RBM4: variants seen among roughly 807,000 people sequenced by gnomAD.
RBM4 encodes RNA binding motif protein 4.
Under a neutral mutation model 29.5 loss-of-function variants are expected in RBM4, and 7 were observed. That is an observed-to-expected ratio of 0.24 (90% CI 0.14 to 0.45). RBM4 has a LOEUF of 0.45. Ranked by LOEUF, RBM4 falls within the 20% of genes least tolerant of loss-of-function variation. The pLI, the probability that RBM4 is intolerant of heterozygous loss-of-function variation, is 1.00. For synonymous variants in RBM4, 220 were observed against 205.4 expected (o/e 1.07, Z -0.61); for missense variants, 387 against 502.3 (o/e 0.77, Z 2.19).
At chr11:66,654,335 C>CAAA (rs778815265) in intron 2 of RBM4, among the ~76,000 whole-genome samples, 1 of 142,918 alleles carries the variant, frequency 7.0e-6, no homozygotes. Context: ...ACTAAAAATA[C>CAAA]AAAAAAAAAA....
rs577936685 is a variant in RBM4 at position 66,643,279 on chromosome 11, T to C, written c.413-171T>C. Among the ~76,000 whole-genome samples the C allele has an allele frequency of 1.3e-5, 2 of 152,306 alleles. No homozygotes were observed. Among genetic ancestry groups the C allele is most frequent in the East Asian group, 3.9e-4 (2 of 5,180 alleles). On this transcript the variant is annotated intron_variant, in intron 2 of 3. Coordinates refer to ENST00000310092, the MANE Select transcript of RBM4 (RefSeq NM_002896.4). This position sits in a 1 kb window ranked among gnomAD's most constrained non-coding sequence, Gnocchi z 6.1. ...GTCTTTTCCTGAAATCAGGTCATTA[T>C]ACTGAATCTATATGTTGAGTCTTTT...
In RBM4 at chr11:66,639,985, A is replaced by G; in HGVS notation, c.274A>G (p.Lys92Glu). The G allele has an allele frequency of 6.2e-7, 1 of 1,614,188 alleles. No homozygotes were observed. Among genetic ancestry groups the G allele is most frequent in the Non-Finnish European group, 8.5e-7 (1 of 1,180,038 alleles). Reference protein sequence around the residue: ...VGNISPTCTNKELRAKFEEYG... With the variant: ...VGNISPTCTNEELRAKFEEYG... ...CAACATCAGTCCCACCTGCACCAAT[A>G]AGGAGCTTCGAGCCAAGTTTGAGGA... Residue 92 changes from lysine (K) to glutamate (E), a missense_variant, in exon 2 of 4, where the codon AAG (lysine) becomes GAG (glutamate). Around this residue, in one of 2 missense-constraint regions of RBM4, gnomAD observed 106 missense variants for 213.6 expected, o/e 0.50. Transcript: ENST00000310092.
chr11:66,644,257 T>C (rs1401502234), intron 3 of RBM4, 117 bp downstream of exon 3: 3 of 1,381,570 alleles, frequency 2.2e-6, no homozygotes, highest in Non-Finnish European at 2.9e-6. Context: ...GGAAGGTTAC[T>C]AGGATGGCTC....
rs1008932813 is a variant in RBM4 at position 66,643,070 on chromosome 11, C to T, written c.413-380C>T. 1.3e-5 allele frequency among the ~76,000 whole-genome samples: 2 copies of T among 152,136 alleles called. No homozygotes were observed. Among genetic ancestry groups the T allele is most frequent in the African/African-American group, 4.8e-5 (2 of 41,436 alleles). ...ATTCCTTTGCTTAATGAAAATCCAT[C>T]TTGCTAGTAAGGATTGGAGGTGTCA... On this transcript the variant is annotated intron_variant, in intron 2 of 3. Transcript: ENST00000310092. This position sits in a 1 kb window ranked among gnomAD's most constrained non-coding sequence, Gnocchi z 6.1.
At chr11:66,661,892 T>TG (rs1939089467) in intron 2 of RBM4, among the ~76,000 whole-genome samples, 1 of 151,924 alleles carries the variant, frequency 6.6e-6, no homozygotes. Context: ...TCACCAGGCG[T>TG]GGTGGCGCGC....
chr11:66,647,947 G>A (rs967665198), downstream of RBM4, among the ~76,000 whole-genome samples: 17 of 152,192 alleles, frequency 1.1e-4, no homozygotes, highest in African/African-American at 2.4e-4. Flanking sequence ...GCTCACGCCT[G>A]TAATCTCAGC....
At chr11:66,665,693 A>C in intron 2 of RBM4, 1 of 1,499,608 alleles carries the variant, frequency 6.7e-7, no homozygotes, top group African/African-American at 1.4e-5. Context: ...AGAACAAAAC[A>C]AAACCAAGTC....
At chr11:66,640,162 CTG>C (rs767343393) in intron 2 of RBM4, 39 bp downstream of exon 2, 2 of 1,610,442 alleles carry the variant, frequency 1.2e-6, no homozygotes, top group African/African-American at 2.7e-5. Flanking sequence ...GAACACAAGG[CTG>C]TGTGCAGAAA....
intron 2 of RBM4, chr11:66,665,776 T>C: frequency 2.2e-6 from 3 of 1,336,492 alleles, no homozygotes; most frequent in South Asian, 1.4e-5. Context: ...AATCCACTTA[T>C]GGCTATATAT....
chr11:66,639,916 G>A lies in RBM4; in HGVS notation c.205G>A (p.Ala69Thr). 1 of 1,614,206 alleles carries A rather than the reference G, an allele frequency of 6.2e-7. No individual in the cohort carries two copies. The highest frequency in any genetic ancestry group is 8.5e-7 in the Non-Finnish European group (1 of 1,180,042). The change falls in exon 2 of 4, where the codon GCC (alanine) becomes ACC (threonine). Residue 69 changes from alanine to threonine, a missense_variant. Physicochemically the swap from Ala to Thr is moderately conservative, Grantham distance 58. Coordinates refer to ENST00000310092, the MANE Select transcript of RBM4 (RefSeq NM_002896.4). ...KLHGVNINVEASKNKSKTSTK... is the reference protein window; with the variant it reads ...KLHGVNINVETSKNKSKTSTK... ...TCATGGGGTGAACATCAACGTGGAA[G>A]CCAGCAAGAATAAGAGCAAAACCTC...
Position 66,646,151 on chromosome 11 carries a change from A to T in RBM4, c.*133A>T. The T allele has an allele frequency of 2.0e-6, 3 of 1,527,174 alleles. No individual in the cohort carries two copies. Among genetic ancestry groups the T allele is most frequent in the Non-Finnish European group, 2.6e-6 (3 of 1,142,004 alleles). 94.6% of individuals were successfully genotyped at this position (1,527,174 alleles called of 1,614,324 possible). On this transcript the variant is annotated 3_prime_UTR_variant, in exon 4 of 4. Coordinates refer to ENST00000310092, the MANE Select transcript of RBM4 (RefSeq NM_002896.4). The stretch of plus-strand genomic sequence containing the variant: ...AGTCCCTCAGGAACCGTGGACCTTA[A>T]TTTACCTTGCTAAGTTCAGACCTTC...
chr11:66,656,719 G>T (rs1161894246), intron 2 of RBM4, among the ~76,000 whole-genome samples: 1 of 152,118 alleles, frequency 6.6e-6, no homozygotes, highest in East Asian at 1.9e-4. Flanking sequence ...GGAGTGCAGT[G>T]ACATGATCTC....
At chr11:66,666,252 GA>G (rs917142750) in exon 3 of RBM4, 746 of 1,022,322 alleles carry the variant, frequency 7.3e-4, no homozygotes, top group Middle Eastern at 8.4e-4. Flanking sequence ...ATGGCTGGGG[GA>G]AAAAAAAAGT....
chr11:66,651,495 C>A (rs141096511), intron 2 of RBM4, among the ~76,000 whole-genome samples: 9,597 of 151,982 alleles, frequency 0.063, 733 homozygotes, highest in Admixed American at 0.23. Context: ...CTACAGGCGC[C>A]CGCCACCACA....
chr11:66,664,595 G>A (rs1390206432), intron 2 of RBM4, among the ~76,000 whole-genome samples: 1 of 151,916 alleles, frequency 6.6e-6, no homozygotes, highest in Non-Finnish European at 1.5e-5. Context: ...TGAGTAGCTG[G>A]GATTACAGGC....
At chr11:66,644,796 G>C (rs767140289) in intron 3 of RBM4, 3 of 754,940 alleles carry the variant, frequency 4.0e-6, no homozygotes, top group Non-Finnish European at 4.8e-6. Flanking sequence ...AGTTCCACAA[G>C]GAAGTCTGGG....
chr11:66,644,104 C>CCGATCGGG lies in RBM4; in HGVS notation c.1070_1077dup (p.Arg360IlefsTer11). On this transcript the variant is annotated frameshift_variant, in exon 3 of 4. Coordinates refer to ENST00000310092, the MANE Select transcript of RBM4 (RefSeq NM_002896.4). LOFTEE classifies it high-confidence loss of function. Reference sequence around the variant, plus strand: ...GCCCGGTATGAGCGGGAGCAGTATGCCGATCGGGCGCGGTACTCAGCCTTT... The same window carrying CCGATCGGG: ...GCCCGGTATGAGCGGGAGCAGTATGCCGATCGGGCGATCGGGCGCGGTACTCAGCCTTT... 6.2e-7 allele frequency: 1 copy of CCGATCGGG among 1,613,870 alleles called. No homozygotes were observed. The highest frequency in any genetic ancestry group is 8.5e-7 in the Non-Finnish European group (1 of 1,179,926).
In RBM4 at chr11:66,643,722, C is replaced by G; in HGVS notation, c.685C>G (p.Arg229Gly). ...CTACTACAAGCGCTGCCGTGCTGCC[C>G]GGTCCTATGAGGCAGTGGCAGCTGC... is the stretch of plus-strand genomic sequence containing the variant. ...DAYYKRCRAA[R>G]SYEAVAAAAA... Residue 229 changes from arginine to glycine, a missense_variant, in exon 3 of 4, where the codon CGG becomes GGG. Arg to Gly is a moderately radical substitution (Grantham distance 125, BLOSUM62 -2). This residue lies in a region of RBM4 where 281 missense variants were observed against 288.7 expected (regional missense o/e 0.97). Transcript: ENST00000310092. This position sits in a 1 kb window ranked among gnomAD's most constrained non-coding sequence, Gnocchi z 6.1. The G allele has an allele frequency of 6.2e-7, 1 of 1,614,134 alleles. No homozygotes were observed. Among genetic ancestry groups the G allele is most frequent in the Non-Finnish European group, 8.5e-7 (1 of 1,180,010 alleles).
intron 2 of RBM4, among the ~76,000 whole-genome samples, chr11:66,641,908 G>A (rs998108304): frequency 1.3e-5 from 2 of 151,920 alleles, no homozygotes; most frequent in Admixed American, 6.6e-5. Flanking sequence ...TTTTTCTGGC[G>A]TTAGAACCAA....
Sources: gnomAD v4.1 joint callset for allele counts (sites outside exome capture counted in the v4.1 genomes callset) on GRCh38, gnomAD v4.1.1 for gene constraint, gnomAD v4.1.1 regional missense constraint, Gnocchi (gnomAD v3.1) non-coding constraint, MANE v1.5 for transcripts, NCBI Gene and HGNC (gene_info 2026-07-23, HGNC 2026-07-21) for gene names.